The following KIF26B variants were observed in gnomAD, a reference collection of about 807,000 sequenced individuals.
KIF26B encodes the protein kinesin-like protein KIF26B.
Under a neutral mutation model 151.2 loss-of-function variants are expected in KIF26B, and 63 were observed. The ratio of observed to expected loss-of-function variants is 0.42; its 90% CI spans 0.34 to 0.51. The LOEUF is 0.51. Ranked by LOEUF, KIF26B falls within the 20% of genes least tolerant of loss-of-function variation. The pLI is 0.07. For missense variants in KIF26B, 2,813 were observed against 2,913.6 expected (o/e 0.97, Z 0.79); for synonymous variants, 1,357 against 1,262.1 (o/e 1.08, Z -1.59).
At chr1:245,349,559 C>CAAAAAAA (rs58254627) in intron 2 of KIF26B, among the ~76,000 whole-genome samples, 2 of 75,836 alleles carry the variant, frequency 2.6e-5, no homozygotes, top group Non-Finnish European at 3.4e-5. Flanking sequence ...AAATAAACTT[C>CAAAAAAA]AAAAAAAAAA....
chr1:245,381,143 G>C (rs1446593590), intron 3 of KIF26B, among the ~76,000 whole-genome samples: 1 of 152,002 alleles, frequency 6.6e-6, no homozygotes, highest in Non-Finnish European at 1.5e-5. Flanking sequence ...AGTAGTGAAG[G>C]GTTAAATTCA....
chr1:245,411,254 C>G (rs1006290458), intron 3 of KIF26B, among the ~76,000 whole-genome samples: 1 of 152,122 alleles, frequency 6.6e-6, no homozygotes. Flanking sequence ...CTCTGGTGTG[C>G]GCGAAGAAAA....
intron 9 of KIF26B, 125 bp downstream of exon 9, chr1:245,612,101 T>TGAGAGAGAGAGAGAGA (rs2043532969): frequency 2.0e-6 from 1 of 493,258 alleles, no homozygotes; most frequent in Non-Finnish European, 3.2e-6. Context: ...TGTGTGTGTG[T>TGAGAGAGAGAGAGAGA]GTGTGAGAGA....
At position 245,704,607 on chromosome 1, in the gene KIF26B, G is replaced by A. The variant is rs182096142; in HGVS notation, c.*2001G>A. ...GTGAGAGGCTGCTCTGGCATGGCTC[G>A]TTCTTCCTTCTGTGTATCTCCCAAG... On this transcript the variant is annotated 3_prime_UTR_variant, in exon 15 of 15. Coordinates refer to ENST00000407071, the MANE Select transcript of KIF26B (RefSeq NM_018012.4). 2.6e-5 allele frequency: 4 copies of A among 152,418 alleles called. No homozygotes were observed. The highest frequency in any genetic ancestry group is 6.5e-5 in the Admixed American group (1 of 15,306). 9.4% of individuals were successfully genotyped at this position (152,418 alleles called of 1,614,324 possible).
chr1:245,324,193 G>T (rs11589352), intron 2 of KIF26B, among the ~76,000 whole-genome samples: 2 of 147,362 alleles, frequency 1.4e-5, no homozygotes, highest in African/African-American at 2.5e-5. Context: ...GAGGTGGGGT[G>T]GGCTCTGCCA....
intron 2 of KIF26B, among the ~76,000 whole-genome samples, chr1:245,210,655 T>G (rs1669501635): frequency 1.3e-5 from 2 of 152,094 alleles, no homozygotes; most frequent in South Asian, 4.1e-4. Context: ...GGGTGAGTGT[T>G]TCCAGAGGAG....
chr1:245,636,856 T>G lies in KIF26B; in HGVS notation c.2099-9265T>G, dbSNP rs543002177. On this transcript the variant is annotated intron_variant, in intron 9 of 14. Transcript: ENST00000407071. ...CATTATTTTTATGGCTGAATAATAT[T>G]CCATTGTGTGTGTGTGTGTGTGTGT... 8.2e-5 allele frequency among the ~76,000 whole-genome samples: 10 copies of G among 121,370 alleles called. No individual in the cohort carries two copies. The East Asian group carries it at 2.7e-3, about 32-fold the overall frequency. The allele number at this position is 121,370 out of a possible 152,430, so 79.6% of individuals were successfully genotyped here. A position where few individuals can be genotyped will look rare whatever the true frequency, so the allele number is the denominator to read the frequency against.
chr1:245,245,222 T>G (rs1434454694), intron 2 of KIF26B, among the ~76,000 whole-genome samples: 2 of 152,198 alleles, frequency 1.3e-5, no homozygotes, highest in East Asian at 1.9e-4. Context: ...CGATCTGGCC[T>G]TTGTCCCTGA....
At chr1:245,430,522 C>A (rs1658751606) in intron 4 of KIF26B, among the ~76,000 whole-genome samples, 1 of 152,040 alleles carries the variant, frequency 6.6e-6, no homozygotes, top group Admixed American at 6.6e-5. Context: ...AAAAAAGCAA[C>A]CAAGTGCAGT....
chr1:245,273,661 T>TAAA (rs1670890859), intron 2 of KIF26B, among the ~76,000 whole-genome samples: 1 of 152,216 alleles, frequency 6.6e-6, no homozygotes, highest in Non-Finnish European at 1.5e-5. Context: ...GTCTATTTTG[T>TAAA]GTGATATAAG....
At position 245,378,905 on chromosome 1, in the gene KIF26B, T is replaced by C. The variant is rs576242672; in HGVS notation, c.999+11538T>C. 2.6e-5 allele frequency among the ~76,000 whole-genome samples: 4 copies of C among 152,304 alleles called. No homozygotes were observed. In the East Asian group the frequency reaches 7.7e-4, roughly 29 times the overall value. On this transcript the variant is annotated intron_variant, in intron 3 of 14. Coordinates refer to ENST00000407071, the MANE Select transcript of KIF26B (RefSeq NM_018012.4). ...AGAGTGGAAACTTCCAGAGCTGTTG[T>C]TGGGATCATGTGAGAGGGCGTGTTT...
intron 5 of KIF26B, among the ~76,000 whole-genome samples, chr1:245,579,525 T>C (rs1239136676): frequency 6.6e-6 from 1 of 151,880 alleles, no homozygotes; most frequent in Non-Finnish European, 1.5e-5. Context: ...AAAAGGAGGC[T>C]TGGCTGGGTG....
At chr1:245,578,206 AAGAAC>A (rs2043144073) in intron 5 of KIF26B, among the ~76,000 whole-genome samples, 1 of 152,240 alleles carries the variant, frequency 6.6e-6, no homozygotes, top group Non-Finnish European at 1.5e-5. Context: ...GTTTAGGGGA[AAGAAC>A]AGAAGAGGCG....
chr1:245,540,762 T>C lies in KIF26B; in HGVS notation c.1167-5T>C, dbSNP rs768280056. ...TTCCCCTTATTGTTCCTTTTTCCACTCCAGAGCTGCCCAGAAGTTAAATCT... is the reference window on the plus strand; with the variant it reads ...TTCCCCTTATTGTTCCTTTTTCCACCCCAGAGCTGCCCAGAAGTTAAATCT... On this transcript the variant is annotated splice_region_variant and splice_polypyrimidine_tract_variant and intron_variant, in intron 4 of 14. Coordinates refer to ENST00000407071, the MANE Select transcript of KIF26B (RefSeq NM_018012.4). The surrounding 1 kb of genome is among the most constrained non-coding windows in gnomAD (Gnocchi z 4.6). 6 of 1,613,206 alleles carry C rather than the reference T, an allele frequency of 3.7e-6. No individual in the cohort carries two copies. The East Asian group carries it at 8.9e-5, about 24-fold the overall frequency.
Position 245,688,031 on chromosome 1 carries a change from A to G in KIF26B, c.5048A>G (p.Glu1683Gly). The G allele has an allele frequency of 1.3e-6, 2 of 1,557,782 alleles. No homozygotes were observed. The highest frequency in any genetic ancestry group is 1.7e-6 in the Non-Finnish European group (2 of 1,151,766). ...TVSHYECLSL[E>G]RAESLSSVSS... ...AGCCACTACGAATGCCTCTCCCTGG[A>G]GCGGGCCGAGAGCCTGTCCTCCGTG... The change falls in exon 12 of 15, where the codon GAG becomes GGG. Residue 1683 changes from glutamate (E) to glycine (G), a missense_variant. By Grantham distance (98) the Glu-to-Gly change is moderately conservative. This residue lies in a region of KIF26B where 2,060 missense variants were observed against 2,088.6 expected (regional missense o/e 0.99). Coordinates refer to ENST00000407071, the MANE Select transcript of KIF26B (RefSeq NM_018012.4).
chr1:245,418,263 T>C (rs1384323200), intron 3 of KIF26B, among the ~76,000 whole-genome samples: 1 of 152,228 alleles, frequency 6.6e-6, no homozygotes, highest in Non-Finnish European at 1.5e-5. Context: ...AGGAATGTCC[T>C]CCGGGCCAGC....
chr1:245,167,523 A>G lies in KIF26B; in HGVS notation c.465+10840A>G, dbSNP rs1668634598. Among the ~76,000 whole-genome samples the G allele has an allele frequency of 6.6e-6, 1 of 152,214 alleles. No homozygotes were observed. Among genetic ancestry groups the G allele is most frequent in the Non-Finnish European group, 1.5e-5 (1 of 68,030 alleles). ...TCCACCTAACTGGTGGCTTCACACA[A>G]GAATGGGAGACTCACCTATTAACTG... On this transcript the variant is annotated intron_variant, in intron 2 of 14. Coordinates refer to ENST00000407071, the MANE Select transcript of KIF26B (RefSeq NM_018012.4). This position sits in a 1 kb window ranked among gnomAD's most constrained non-coding sequence, Gnocchi z 4.2.
Position 245,602,897 on chromosome 1 carries a change from G to T in KIF26B, c.1557+114G>T. 2 of 909,552 alleles carry T rather than the reference G, an allele frequency of 2.2e-6. No individual in the cohort carries two copies. Among genetic ancestry groups the T allele is most frequent in the East Asian group, 2.4e-5 (1 of 41,454 alleles). The allele number at this position is 909,552 out of a possible 1,614,324, so 56.3% of individuals were successfully genotyped here. A position where few individuals can be genotyped will look rare whatever the true frequency, so the allele number is the denominator to read the frequency against. ...TCTTCTGGAGCATTCTGATGGACCA[G>T]TTCCTTCAGGAGTCAATCTGAGCTC... On this transcript the variant is annotated intron_variant, in intron 6 of 14. Coordinates refer to ENST00000407071, the MANE Select transcript of KIF26B (RefSeq NM_018012.4). This position sits in a 1 kb window ranked among gnomAD's most constrained non-coding sequence, Gnocchi z 4.5.
At chr1:245,373,145 G>A (rs886812180) in intron 3 of KIF26B, among the ~76,000 whole-genome samples, 5 of 152,148 alleles carry the variant, frequency 3.3e-5, no homozygotes, top group African/African-American at 1.2e-4. Flanking sequence ...TTGGACAACA[G>A]GGACTCATTT....
Sources: allele counts gnomAD v4.1 joint callset (sites outside exome capture counted in the v4.1 genomes callset), GRCh38; gene constraint gnomAD v4.1.1; regional missense constraint gnomAD v4.1.1; non-coding constraint Gnocchi (gnomAD v3.1); transcripts MANE v1.5; gene names NCBI Gene and HGNC (gene_info 2026-07-23, HGNC 2026-07-21).